The following PTGR3 variants were observed in gnomAD, a reference collection of about 807,000 sequenced individuals.
PTGR3 encodes the protein prostaglandin reductase 3, also known as zinc binding alcohol dehydrogenase domain containing 2.
At chr18:75,201,357 A>C in the PTGR3 span, 1 of 1,419,166 alleles carries the variant, frequency 7.0e-7, no homozygotes, top group Non-Finnish European at 9.7e-7. Context: ...GATTTGAGTA[A>C]TTCTGAGACA....
At chr18:75,208,083 G>A in the PTGR3 span, among the ~76,000 whole-genome samples, 1 of 152,224 alleles carries the variant, frequency 6.6e-6, no homozygotes, top group African/African-American at 2.4e-5. Context: ...AGATGAGTGA[G>A]GCGGAAACAC....
the PTGR3 span, chr18:75,198,558 T>G: frequency 1.3e-5 from 2 of 152,040 alleles, no homozygotes; most frequent in Non-Finnish European, 2.9e-5. Flanking sequence ...TTAACAGCAG[T>G]AGTCATCATC....
At chr18:75,205,489 G>T in the PTGR3 span, 7 of 985,406 alleles carry the variant, frequency 7.1e-6, no homozygotes, top group Non-Finnish European at 8.4e-6. Context: ...AAAAGAATAG[G>T]ACCGGCGCAG....
the PTGR3 span, chr18:75,202,255 C>A: frequency 6.2e-7 from 1 of 1,614,132 alleles, no homozygotes; most frequent in South Asian, 1.1e-5. Flanking sequence ...CCAATGCCTT[C>A]GAAACCTATG....
At chr18:75,198,123 G>A in the PTGR3 span, 4 of 152,152 alleles carry the variant, frequency 2.6e-5, no homozygotes, top group Admixed American at 6.5e-5. Context: ...GGTACAAGTC[G>A]GGTGGCCATT....
chr18:75,198,547 G>C, the PTGR3 span: 4 of 151,392 alleles, frequency 2.6e-5, no homozygotes, highest in African/African-American at 9.7e-5. Context: ...GCTGAGGTCA[G>C]TTAACAGCAG....
the PTGR3 span, among the ~76,000 whole-genome samples, chr18:75,207,757 T>C: frequency 6.6e-6 from 1 of 152,212 alleles, no homozygotes; most frequent in Non-Finnish European, 1.5e-5. Context: ...ACAAATTAAA[T>C]GCTGCATCAA....
At chr18:75,208,860 CGAG>C in the PTGR3 span, 1 of 1,513,872 alleles carries the variant, frequency 6.6e-7, no homozygotes, top group South Asian at 1.2e-5. Flanking sequence ...CGGTTCCGGA[CGAG>C]GAGGTCTCCG....
the PTGR3 span, among the ~76,000 whole-genome samples, chr18:75,208,060 C>T: frequency 6.6e-6 from 1 of 152,172 alleles, no homozygotes; most frequent in Non-Finnish European, 1.5e-5. Flanking sequence ...CCTGTTGCTT[C>T]GCCAGTTACT....
the PTGR3 span, among the ~76,000 whole-genome samples, chr18:75,207,928 C>T: frequency 6.6e-6 from 1 of 152,214 alleles, no homozygotes; most frequent in Non-Finnish European, 1.5e-5. Flanking sequence ...TTCGATGGGA[C>T]TTTGCAGGCC....
chr18:75,199,966 G>T, the PTGR3 span: 1 of 152,564 alleles, frequency 6.6e-6, no homozygotes, highest in East Asian at 1.9e-4. Flanking sequence ...AGTAAATCTT[G>T]TAAAATAGAT....
At chr18:75,202,552 T>C in the PTGR3 span, among the ~76,000 whole-genome samples, 332 of 152,278 alleles carry the variant, frequency 2.2e-3, 2 homozygotes, top group African/African-American at 7.1e-3. Flanking sequence ...GTTTTTGGCA[T>C]ATTTTTTCCT....
At chr18:75,195,622 A>T in the PTGR3 span, 1 of 152,214 alleles carries the variant, frequency 6.6e-6, no homozygotes, top group African/African-American at 2.4e-5. Context: ...ACAGTTTAAA[A>T]GCAACTGGGG....
the PTGR3 span, chr18:75,209,028 C>T: frequency 1.9e-6 from 3 of 1,570,230 alleles, no homozygotes; most frequent in Non-Finnish European, 2.6e-6. This position sits in a 1 kb window ranked among gnomAD's most constrained non-coding sequence, Gnocchi z 4.7. Flanking sequence ...TCCACGATGG[C>T]CCGGGCCCCG....
At chr18:75,195,356 A>T in the PTGR3 span, 9 of 152,340 alleles carry the variant, frequency 5.9e-5, no homozygotes, top group South Asian at 1.9e-3. Context: ...CTCCACAAAA[A>T]GATTCATAAC....
At chr18:75,206,945 T>G in the PTGR3 span, among the ~76,000 whole-genome samples, 1 of 152,136 alleles carries the variant, frequency 6.6e-6, no homozygotes, top group Non-Finnish European at 1.5e-5. Context: ...CTAGGCACCC[T>G]GGCTGTGCCT....
chr18:75,202,228 C>T, the PTGR3 span: 2 of 1,614,030 alleles, frequency 1.2e-6, no homozygotes, highest in African/African-American at 2.7e-5. Context: ...GCAGAGAGGC[C>T]TAGGGCCACC....
chr18:75,202,068 T>C, the PTGR3 span: 18 of 1,614,004 alleles, frequency 1.1e-5, no homozygotes, highest in Non-Finnish European at 1.5e-5. Flanking sequence ...CAGGCTGATG[T>C]ATGCGGTGGT....
chr18:75,202,185 G>A, the PTGR3 span: 2 of 1,614,162 alleles, frequency 1.2e-6, no homozygotes, highest in South Asian at 1.1e-5. Flanking sequence ...TGCCATGTAA[G>A]CCACAGCTTG....
Sources: gnomAD v4.1 joint callset for allele counts (sites outside exome capture counted in the v4.1 genomes callset) on GRCh38, gnomAD v4.1.1 for gene constraint, Gnocchi (gnomAD v3.1) non-coding constraint, MANE v1.5 for transcripts, NCBI Gene and HGNC (gene_info 2026-07-23, HGNC 2026-07-21) for gene names.